Variants in CWC27 observed in about 807,000 individuals in gnomAD.
CWC27 encodes the protein CWC27 spliceosome associated cyclophilin, also known as spliceosome-associated protein CWC27 homolog.
In CWC27, 47 loss-of-function variants were observed where a neutral mutation model predicts 63.6. The observed-to-expected ratio is 0.74, with a 90% CI of 0.58 to 0.94. The LOEUF (loss-of-function observed/expected upper bound fraction) is 0.94, where lower values mean the gene tolerates loss of function less well. Among genes scored for constraint, CWC27 ranks in the 40% least tolerant of loss-of-function variants. The pLI is 0.00. For missense variants in CWC27, 495 were observed against 554.3 expected, an observed-to-expected ratio of 0.89 and a Z score of 1.07; for synonymous variants, 175 against 179.8, an observed-to-expected ratio of 0.97 and a Z score of 0.22.
chr5:64,851,449 AT>A (rs1727965356), intron 10 of CWC27, among the ~76,000 whole-genome samples: 1 of 152,184 alleles, frequency 6.6e-6, no homozygotes, highest in African/African-American at 2.4e-5. Context: ...CAGGAGTGAT[AT>A]GTTGTTGGTT....
chr5:64,890,092 C>T (rs1747191674), intron 11 of CWC27, among the ~76,000 whole-genome samples: 1 of 152,170 alleles, frequency 6.6e-6, no homozygotes, highest in African/African-American at 2.4e-5. Context: ...CTCTAATCAG[C>T]TTTAAAGAGA....
chr5:64,820,931 A>C (rs1013374423), intron 10 of CWC27, among the ~76,000 whole-genome samples: 1 of 152,054 alleles, frequency 6.6e-6, no homozygotes, highest in Non-Finnish European at 1.5e-5. Context: ...TCAAAAAAAA[A>C]ACAAACCTTT....
intron 10 of CWC27, among the ~76,000 whole-genome samples, chr5:64,872,887 A>G (rs1391156998): frequency 6.6e-6 from 1 of 152,118 alleles, no homozygotes; most frequent in Non-Finnish European, 1.5e-5. Flanking sequence ...TTTCCCTCTG[A>G]TGGGTCCCAG....
chr5:64,972,129 A>G (rs1749138401), intron 12 of CWC27, among the ~76,000 whole-genome samples: 1 of 152,114 alleles, frequency 6.6e-6, no homozygotes, highest in Admixed American at 6.5e-5. Flanking sequence ...AATATTATGA[A>G]ATGAAGAAGT....
chr5:64,870,911 G>A (rs1746657998), intron 10 of CWC27, among the ~76,000 whole-genome samples: 1 of 152,006 alleles, frequency 6.6e-6, no homozygotes, highest in East Asian at 1.9e-4. Context: ...GTGTTGTCAT[G>A]AACACCCATT....
At chr5:64,963,495 A>C (rs1748957056) in intron 11 of CWC27, among the ~76,000 whole-genome samples, 1 of 152,252 alleles carries the variant, frequency 6.6e-6, no homozygotes. Flanking sequence ...TGATTAAATT[A>C]TGAAACATGA....
chr5:65,003,730 T>C (rs1166750578), intron 13 of CWC27, among the ~76,000 whole-genome samples: 3 of 152,204 alleles, frequency 2.0e-5, no homozygotes, highest in African/African-American at 7.2e-5. Flanking sequence ...CATCCCAGTC[T>C]TTCCCTGCCT....
At chr5:64,790,694 G>A (rs1380628928) in intron 7 of CWC27, among the ~76,000 whole-genome samples, 1 of 151,974 alleles carries the variant, frequency 6.6e-6, no homozygotes, top group Non-Finnish European at 1.5e-5. Context: ...TCCCATCCAG[G>A]CTAAGCTAGG....
chr5:64,827,353 C>T (rs374992013), intron 10 of CWC27, among the ~76,000 whole-genome samples: 17 of 152,100 alleles, frequency 1.1e-4, no homozygotes, highest in African/African-American at 4.1e-4. Flanking sequence ...ATGTCATAAG[C>T]TTTTATACCA....
chr5:64,984,784 T>G (rs914506444), intron 13 of CWC27, among the ~76,000 whole-genome samples: 1 of 152,238 alleles, frequency 6.6e-6, no homozygotes, highest in African/African-American at 2.4e-5. Flanking sequence ...TAAAAATATT[T>G]AATATTGATT....
At chr5:64,922,521 C>T (rs1478720256) in intron 11 of CWC27, among the ~76,000 whole-genome samples, 1 of 152,192 alleles carries the variant, frequency 6.6e-6, no homozygotes, top group East Asian at 1.9e-4. Context: ...CATCTTTCAA[C>T]TCTCGTATCA....
At chr5:64,973,031 G>A (rs768420412) in intron 12 of CWC27, among the ~76,000 whole-genome samples, 2 of 152,212 alleles carry the variant, frequency 1.3e-5, no homozygotes, top group Non-Finnish European at 2.9e-5. Context: ...TTCAAAGGTT[G>A]TGTAGGAGAC....
intron 11 of CWC27, among the ~76,000 whole-genome samples, chr5:64,897,751 T>C (rs1747414331): frequency 6.6e-6 from 1 of 151,750 alleles, no homozygotes; most frequent in African/African-American, 2.4e-5. Flanking sequence ...AGTATAATAA[T>C]AAAAAAAATT....
chr5:64,798,475 T>C (rs1744358745), intron 7 of CWC27, among the ~76,000 whole-genome samples: 1 of 152,234 alleles, frequency 6.6e-6, no homozygotes, highest in South Asian at 2.1e-4. Context: ...CATTTTGCTT[T>C]TTCATCACTC....
At chr5:64,792,996 A>G (rs951753473) in intron 7 of CWC27, among the ~76,000 whole-genome samples, 1 of 152,156 alleles carries the variant, frequency 6.6e-6, no homozygotes, top group Admixed American at 6.6e-5. Context: ...AATATACTAT[A>G]CATTATAACT....
intron 1 of CWC27, among the ~76,000 whole-genome samples, chr5:64,771,188 G>A (rs777177308): frequency 2.6e-5 from 4 of 152,182 alleles, no homozygotes; most frequent in Admixed American, 6.5e-5. Context: ...AGATATTAAA[G>A]CTTCTAAGTT....
At chr5:64,788,624 A>G (rs1743965171) in intron 6 of CWC27, among the ~76,000 whole-genome samples, 1 of 151,960 alleles carries the variant, frequency 6.6e-6, no homozygotes, top group Non-Finnish European at 1.5e-5. Context: ...TTTTGCTACC[A>G]GTTTTGATAA....
At chr5:64,943,219 G>A (rs1399723016) in intron 11 of CWC27, among the ~76,000 whole-genome samples, 3 of 146,788 alleles carry the variant, frequency 2.0e-5, no homozygotes, top group East Asian at 2.1e-4. Context: ...TTCAGATCAC[G>A]GCCCTGTGTG....
intron 13 of CWC27, 45 bp downstream of exon 13, chr5:64,977,283 C>A: frequency 7.5e-7 from 1 of 1,324,806 alleles, no homozygotes; most frequent in South Asian, 1.3e-5. Context: ...CAAATAGTCT[C>A]AGAGCAGAGA....
Sources: gnomAD v4.1 joint callset for allele counts (sites outside exome capture counted in the v4.1 genomes callset) on GRCh38, gnomAD v4.1.1 for gene constraint, MANE v1.5 for transcripts, NCBI Gene and HGNC (gene_info 2026-07-23, HGNC 2026-07-21) for gene names.